LRP1B: variants seen among roughly 807,000 people sequenced by gnomAD.
LRP1B encodes LDL receptor related protein 1B, also known as low-density lipoprotein receptor-related protein 1B.
LRP1B carries 217 observed loss-of-function variants against 556.6 expected under a neutral mutation model. The observed-to-expected ratio is 0.39, with a 90% CI of 0.35 to 0.44. The LOEUF is 0.44. Ranked by LOEUF, LRP1B falls within the 20% of genes least tolerant of loss-of-function variation. LRP1B has a pLI of 1.00. For synonymous variants in LRP1B, 2,047 were observed against 1,865.8 expected (o/e 1.10, Z -2.50); for missense variants, 5,053 against 5,620.8 (o/e 0.90, Z 3.23).
At chr2:141,552,117 C>T (rs943763583) in intron 2 of LRP1B, among the ~76,000 whole-genome samples, 5 of 151,844 alleles carry the variant, frequency 3.3e-5, no homozygotes, top group African/African-American at 1.2e-4. Context: ...ACCTATTATG[C>T]CAGGATAGCT....
At position 140,908,010 on chromosome 2, in the gene LRP1B, A is replaced by G; in HGVS notation, c.3387T>C (p.Asp1129=). Reference sequence around the variant, plus strand: ...GTCCACACAAGAAACTGTCACAGTCATCTTCATCTGACTGATCTTCGCAAT... The same window carrying G: ...GTCCACACAAGAAACTGTCACAGTCGTCTTCATCTGACTGATCTTCGCAAT... ...DIDCEDQSDE[D]DCDSFLCGPP... is the part of the protein sequence containing the mutation. The change falls in exon 22 of 91, where the codon GAT becomes GAC. Residue 1129 remains aspartate (D), a synonymous_variant. Transcript: ENST00000389484. 6.2e-7 allele frequency: 1 copy of G among 1,613,580 alleles called. No homozygotes were observed. The highest frequency in any genetic ancestry group is 8.5e-7 in the Non-Finnish European group (1 of 1,179,706).
At chr2:140,692,925 T>G (rs1686297034) in intron 41 of LRP1B, among the ~76,000 whole-genome samples, 1 of 152,162 alleles carries the variant, frequency 6.6e-6, no homozygotes, top group Non-Finnish European at 1.5e-5. Context: ...TTTGCACCAT[T>G]AAAATACTTG....
intron 21 of LRP1B, among the ~76,000 whole-genome samples, chr2:140,917,792 C>G (rs1694622127): frequency 6.6e-6 from 1 of 151,714 alleles, no homozygotes; most frequent in Middle Eastern, 3.4e-3. Context: ...TTGTCAAGAC[C>G]CATAGAATAT....
intron 10 of LRP1B, among the ~76,000 whole-genome samples, chr2:141,050,405 T>G (rs957964965): frequency 6.6e-6 from 1 of 152,014 alleles, no homozygotes; most frequent in Non-Finnish European, 1.5e-5. Flanking sequence ...ATAGCATACA[T>G]GCACCATGGT....
At chr2:141,204,903 C>A (rs866051893) in intron 6 of LRP1B, among the ~76,000 whole-genome samples, 2 of 151,624 alleles carry the variant, frequency 1.3e-5, no homozygotes, top group African/African-American at 4.9e-5. Context: ...TGGCACTGCA[C>A]CCTAGCCTGG....
intron 59 of LRP1B, among the ~76,000 whole-genome samples, chr2:140,483,330 G>A (rs1688316277): frequency 6.6e-6 from 1 of 151,702 alleles, no homozygotes; most frequent in African/African-American, 2.4e-5. Flanking sequence ...TTCAGTTTAT[G>A]GGGTAATAAC....
At chr2:140,412,811 G>GT (rs1685022656) in intron 66 of LRP1B, among the ~76,000 whole-genome samples, 1 of 151,836 alleles carries the variant, frequency 6.6e-6, no homozygotes, top group South Asian at 2.1e-4. Flanking sequence ...TGGTATCTAC[G>GT]TATTTATTCA....
At chr2:141,097,964 T>G (rs1237211480) in intron 7 of LRP1B, among the ~76,000 whole-genome samples, 1 of 152,228 alleles carries the variant, frequency 6.6e-6, no homozygotes, top group African/African-American at 2.4e-5. Context: ...TTTAAAAATC[T>G]ATGGTGAACA....
chr2:141,952,331 T>C (rs1701129769), intron 1 of LRP1B, among the ~76,000 whole-genome samples: 1 of 152,168 alleles, frequency 6.6e-6, no homozygotes, highest in Admixed American at 6.5e-5. Flanking sequence ...TGTGTCTTTA[T>C]AGCAGCATGA....
chr2:141,677,643 C>A (rs1164206129), intron 2 of LRP1B, among the ~76,000 whole-genome samples: 1 of 152,106 alleles, frequency 6.6e-6, no homozygotes, highest in African/African-American at 2.4e-5. Context: ...GCATGCGCCA[C>A]CATGCCCCGT....
chr2:140,998,007 T>C (rs949469314), intron 15 of LRP1B, among the ~76,000 whole-genome samples: 13 of 151,990 alleles, frequency 8.6e-5, no homozygotes, highest in Non-Finnish European at 1.0e-4. Context: ...GCTTCTAAAC[T>C]TTTTACTGCC....
At chr2:140,462,495 CT>C (rs1268583980) in intron 60 of LRP1B, among the ~76,000 whole-genome samples, 2 of 152,146 alleles carry the variant, frequency 1.3e-5, no homozygotes, top group Non-Finnish European at 2.9e-5. Context: ...GAGCAGTGGT[CT>C]TTAATAGACA....
chr2:140,671,655 CTCTCTA>C (rs70988415), intron 41 of LRP1B, among the ~76,000 whole-genome samples: 8,453 of 152,098 alleles, frequency 0.056, 284 homozygotes, highest in East Asian at 0.15. Flanking sequence ...ACATTTTTTT[CTCTCTA>C]TCTCTAATCT....
At chr2:141,472,431 T>C (rs1424369401) in intron 3 of LRP1B, among the ~76,000 whole-genome samples, 3 of 152,086 alleles carry the variant, frequency 2.0e-5, no homozygotes, top group South Asian at 4.2e-4. Context: ...TTCCAACTAT[T>C]TGGGAGGCTG....
chr2:141,716,972 G>T (rs141377414), intron 2 of LRP1B, among the ~76,000 whole-genome samples: 15 of 139,000 alleles, frequency 1.1e-4, no homozygotes, highest in South Asian at 1.0e-3. Flanking sequence ...GATCCACAGG[G>T]GGGGGTCGCA....
At chr2:142,116,691 ACT>A (rs894750861) in intron 1 of LRP1B, among the ~76,000 whole-genome samples, 3 of 152,086 alleles carry the variant, frequency 2.0e-5, no homozygotes, top group African/African-American at 7.2e-5. Context: ...GTATATGGAA[ACT>A]CTGTATTAGA....
chr2:141,673,496 A>T (rs1214407047), intron 2 of LRP1B, among the ~76,000 whole-genome samples: 3 of 152,170 alleles, frequency 2.0e-5, no homozygotes, highest in Non-Finnish European at 4.4e-5. Context: ...TATCATTTTC[A>T]TACATCCTCT....
intron 2 of LRP1B, among the ~76,000 whole-genome samples, chr2:141,733,969 C>G (rs141982769): frequency 1.3e-5 from 2 of 152,186 alleles, no homozygotes; most frequent in African/African-American, 4.8e-5. Flanking sequence ...ACTATAATCT[C>G]ACTGAGTTTA....
chr2:141,619,870 C>T (rs954051868), intron 2 of LRP1B, among the ~76,000 whole-genome samples: 2 of 152,296 alleles, frequency 1.3e-5, no homozygotes, highest in African/African-American at 4.8e-5. Context: ...ACTCTAAAAC[C>T]ATCCTACGAG....
Sources: gnomAD v4.1 joint callset for allele counts (sites outside exome capture counted in the v4.1 genomes callset) on GRCh38, gnomAD v4.1.1 for gene constraint, MANE v1.5 for transcripts, NCBI Gene and HGNC (gene_info 2026-07-23, HGNC 2026-07-21) for gene names.